The following APBA1 variants were observed in gnomAD, a reference collection of about 807,000 sequenced individuals.
The protein encoded by APBA1 is amyloid-beta A4 precursor protein-binding family A member 1.
Under a neutral mutation model 86.6 loss-of-function variants are expected in APBA1, and 55 were observed. The ratio of observed to expected loss-of-function variants is 0.64; its 90% CI spans 0.51 to 0.80. The LOEUF is 0.80. Ranked by LOEUF, APBA1 falls within the 30% of genes least tolerant of loss-of-function variation. APBA1 has a pLI of 0.00. For missense variants in APBA1, 1,090 were observed against 1,183.0 expected (o/e 0.92, Z 1.15); for synonymous variants, 511 against 493.9 (o/e 1.03, Z -0.46).
At chr9:69,583,818 A>T (rs548836424) in intron 1 of APBA1, among the ~76,000 whole-genome samples, 47 of 152,318 alleles carry the variant, frequency 3.1e-4, no homozygotes, top group African/African-American at 1.1e-3. Flanking sequence ...TGCACGAGCC[A>T]GCTGGGGAAC....
At chr9:69,510,827 T>C (rs1836023704) in intron 2 of APBA1, among the ~76,000 whole-genome samples, 1 of 146,890 alleles carries the variant, frequency 6.8e-6, no homozygotes, top group South Asian at 2.2e-4. Flanking sequence ...GGGGAAAGGA[T>C]TCCCTATTTA....
At chr9:69,567,860 T>C (rs530588154) in intron 1 of APBA1, among the ~76,000 whole-genome samples, 60 of 152,042 alleles carry the variant, frequency 3.9e-4, no homozygotes, top group Middle Eastern at 3.4e-3. Flanking sequence ...GCCTCCAAGC[T>C]CGTTCCCCAG....
At chr9:69,666,914 A>C (rs1455338421) in intron 1 of APBA1, among the ~76,000 whole-genome samples, 1 of 152,228 alleles carries the variant, frequency 6.6e-6, no homozygotes, top group East Asian at 1.9e-4. Flanking sequence ...TACTTAAAAA[A>C]AGTTTATTCA....
chr9:69,451,116 G>A (rs1331703363), intron 9 of APBA1, among the ~76,000 whole-genome samples: 1 of 152,152 alleles, frequency 6.6e-6, no homozygotes, highest in Non-Finnish European at 1.5e-5. Context: ...AACCGGCATG[G>A]GGTACAAAGG....
intron 5 of APBA1, 128 bp downstream of exon 5, chr9:69,467,695 A>C: frequency 2.3e-6 from 3 of 1,288,572 alleles, no homozygotes; most frequent in Non-Finnish European, 3.2e-6. Context: ...ATGGATAAGC[A>C]CTGCCTGTGT....
intron 1 of APBA1, among the ~76,000 whole-genome samples, chr9:69,651,266 C>A (rs1034999288): frequency 3.3e-5 from 5 of 152,010 alleles, no homozygotes; most frequent in African/African-American, 1.2e-4. Context: ...GGAGCACAGG[C>A]ACAGAATGGG....
intron 1 of APBA1, among the ~76,000 whole-genome samples, chr9:69,657,140 C>A (rs951407707): frequency 2.6e-5 from 4 of 152,078 alleles, no homozygotes; most frequent in African/African-American, 9.7e-5. Context: ...CCACCGCGCC[C>A]GGCCTAACCG....
intron 11 of APBA1, among the ~76,000 whole-genome samples, chr9:69,433,500 G>T (rs1252819051): frequency 6.6e-6 from 1 of 152,104 alleles, no homozygotes; most frequent in Non-Finnish European, 1.5e-5. Context: ...GCTAGTCTGG[G>T]GTCAAAACAT....
At chr9:69,491,616 A>G (rs1285983939) in intron 2 of APBA1, among the ~76,000 whole-genome samples, 1 of 151,830 alleles carries the variant, frequency 6.6e-6, no homozygotes, top group Non-Finnish European at 1.5e-5. Flanking sequence ...AAAAAAAAAA[A>G]AAGAAAATCA....
In APBA1 at chr9:69,667,606, C is replaced by A. The variant is rs1343797323; in HGVS notation, c.-70+4547G>T. On this transcript the variant is annotated intron_variant, in intron 1 of 12. Coordinates refer to ENST00000265381, the MANE Select transcript of APBA1 (RefSeq NM_001163.4). ...TCCCATCTTCTTGAAGACTTAATTC[C>A]CTCAATTGAGCCTCTCCCTTACATT... Among the ~76,000 whole-genome samples the A allele has an allele frequency of 2.0e-5, 3 of 149,904 alleles. No individual in the cohort carries two copies. In the Admixed American group the frequency reaches 2.0e-4, roughly 10 times the overall value.
At chr9:69,583,851 C>A (rs1330530367) in intron 1 of APBA1, among the ~76,000 whole-genome samples, 1 of 152,180 alleles carries the variant, frequency 6.6e-6, no homozygotes, top group Non-Finnish European at 1.5e-5. Context: ...CTTAGCCTCC[C>A]AGGCTTCTAT....
chr9:69,597,997 C>T (rs879523297), intron 1 of APBA1, among the ~76,000 whole-genome samples: 114 of 151,486 alleles, frequency 7.5e-4, no homozygotes, highest in Non-Finnish European at 1.2e-3. Context: ...ATGTTTATTG[C>T]GGCATTATTC....
chr9:69,506,072 C>A (rs570654996), intron 2 of APBA1, among the ~76,000 whole-genome samples: 2 of 151,538 alleles, frequency 1.3e-5, no homozygotes, highest in Non-Finnish European at 2.9e-5. Flanking sequence ...CCAAGATGGC[C>A]GAATAGGAAC....
intron 2 of APBA1, among the ~76,000 whole-genome samples, chr9:69,491,853 C>T (rs1219194830): frequency 2.0e-5 from 3 of 151,412 alleles, no homozygotes; most frequent in Admixed American, 1.3e-4. Flanking sequence ...CAACCTCCGC[C>T]TCCCAGGTTC....
chr9:69,527,214 CT>C (rs1836356707), intron 1 of APBA1, among the ~76,000 whole-genome samples: 2 of 151,860 alleles, frequency 1.3e-5, no homozygotes, highest in South Asian at 4.2e-4. Context: ...CATGTACCCC[CT>C]GAATCTAAAA....
intron 2 of APBA1, among the ~76,000 whole-genome samples, chr9:69,481,738 A>C (rs11138862): frequency 0.38 from 57,027 of 149,638 alleles, 12,406 homozygotes; most frequent in Non-Finnish European, 0.47. Context: ...AGGCTACAGT[A>C]ACCACAACAG....
chr9:69,590,108 C>T (rs530410371), intron 1 of APBA1, among the ~76,000 whole-genome samples: 3 of 152,310 alleles, frequency 2.0e-5, no homozygotes, highest in Non-Finnish European at 1.5e-5. Flanking sequence ...CATGCTCTTC[C>T]TCTGAGTTTC....
At chr9:69,471,753 C>T in intron 3 of APBA1, 58 bp from the exon 4 acceptor site, 1 of 1,324,008 alleles carries the variant, frequency 7.6e-7, no homozygotes. Context: ...TATGAATTAA[C>T]ACAATCATCC....
chr9:69,437,038 A>G lies in APBA1; in HGVS notation c.2301+3958T>C, dbSNP rs547515089. 5.2e-3 allele frequency among the ~76,000 whole-genome samples: 778 copies of G among 150,156 alleles called. 10 individuals carry two copies. Among genetic ancestry groups the G allele is most frequent in the African/African-American group, 0.018 (711 of 40,114 alleles). On this transcript the variant is annotated intron_variant, in intron 11 of 12. Coordinates refer to ENST00000265381, the MANE Select transcript of APBA1 (RefSeq NM_001163.4). ...TTTCTGCATCTATTGAGATAATCAT[A>G]TGGTTTTTGTCTTTGGTTCTGTTTA... is the stretch of plus-strand genomic sequence containing the variant.
Sources: allele counts gnomAD v4.1 joint callset (sites outside exome capture counted in the v4.1 genomes callset), GRCh38; gene constraint gnomAD v4.1.1; transcripts MANE v1.5; gene names NCBI Gene and HGNC (gene_info 2026-07-23, HGNC 2026-07-21).